Variants in KALRN observed in about 807,000 individuals in gnomAD.
KALRN encodes kalirin.
A neutral mutation model predicts 353.7 loss-of-function variants in KALRN; 70 were observed. The ratio of observed to expected loss-of-function variants is 0.20; its 90% CI spans 0.16 to 0.24. The LOEUF (loss-of-function observed/expected upper bound fraction) is 0.24. Among genes scored for constraint, KALRN ranks in the 10% least tolerant of loss-of-function variants. The pLI is 1.00. For missense variants in KALRN, 2,791 were observed against 3,756.7 expected, an observed-to-expected ratio of 0.74 and a Z score of 6.72; for synonymous variants, 1,391 against 1,434.8, an observed-to-expected ratio of 0.97 and a Z score of 0.69.
chr3:124,036,466 T>C (rs1395885555), intron 1 of KALRN, among the ~76,000 whole-genome samples: 2 of 151,882 alleles, frequency 1.3e-5, no homozygotes, highest in African/African-American at 2.4e-5. Flanking sequence ...TAGTCTGCCA[T>C]TGATGGGCAT....
chr3:124,688,748 T>C (rs886185119), intron 51 of KALRN, among the ~76,000 whole-genome samples: 1 of 150,760 alleles, frequency 6.6e-6, no homozygotes, highest in Non-Finnish European at 1.5e-5. Context: ...CAACTCATTT[T>C]CTAGACAGAA....
At chr3:124,054,262 C>T (rs2041312845) in intron 1 of KALRN, among the ~76,000 whole-genome samples, 1 of 151,868 alleles carries the variant, frequency 6.6e-6, no homozygotes, top group South Asian at 2.1e-4. Flanking sequence ...GTGGCTTCCA[C>T]CTATAATCCC....
intron 1 of KALRN, among the ~76,000 whole-genome samples, chr3:124,119,826 C>T (rs897746944): frequency 6.6e-6 from 1 of 152,214 alleles, no homozygotes; most frequent in Admixed American, 6.5e-5. Context: ...CCTGAGACAG[C>T]TTTCAAGTGT....
intron 1 of KALRN, among the ~76,000 whole-genome samples, chr3:124,194,438 T>TC (rs2075238106): frequency 6.6e-6 from 1 of 151,982 alleles, no homozygotes; most frequent in Non-Finnish European, 1.5e-5. Context: ...GTTACGAGCC[T>TC]CCCGAGGCTT....
At chr3:124,140,404 C>CTG (rs2066474583) in intron 1 of KALRN, among the ~76,000 whole-genome samples, 5 of 152,214 alleles carry the variant, frequency 3.3e-5, no homozygotes, top group Admixed American at 6.5e-5. Flanking sequence ...ATTTTAGGGG[C>CTG]CATGAGCTGC....
intron 1 of KALRN, among the ~76,000 whole-genome samples, chr3:124,096,405 C>T (rs2061452470): frequency 6.6e-6 from 1 of 152,146 alleles, no homozygotes; most frequent in Admixed American, 6.5e-5. Context: ...CTGGGAAAGA[C>T]AGGAACAGGT....
chr3:124,615,718 G>A (rs141931646), intron 34 of KALRN, among the ~76,000 whole-genome samples: 1,850 of 152,270 alleles, frequency 0.012, 36 homozygotes, highest in Non-Finnish European at 0.014. Flanking sequence ...GGTGGGCCAG[G>A]CAGTTCATTT....
intron 34 of KALRN, among the ~76,000 whole-genome samples, chr3:124,619,948 A>G (rs1012017690): frequency 6.6e-6 from 1 of 151,608 alleles, no homozygotes; most frequent in African/African-American, 2.4e-5. Flanking sequence ...TCTAACAGGT[A>G]TGAGATGATA....
intron 34 of KALRN, among the ~76,000 whole-genome samples, chr3:124,621,409 A>G (rs1157595115): frequency 6.6e-6 from 1 of 152,232 alleles, no homozygotes; most frequent in East Asian, 1.9e-4. Flanking sequence ...TAAAGGATGC[A>G]TTGGAAAAGA....
intron 9 of KALRN, among the ~76,000 whole-genome samples, chr3:124,343,174 T>C (rs180671904): frequency 6.6e-6 from 1 of 152,300 alleles, no homozygotes; most frequent in African/African-American, 2.4e-5. Context: ...TATATACACA[T>C]ATATTTGAGA....
intron 27 of KALRN, among the ~76,000 whole-genome samples, chr3:124,478,761 A>G (rs368395454): frequency 6.6e-6 from 1 of 152,146 alleles, no homozygotes; most frequent in East Asian, 1.9e-4. Context: ...TGAAGTTTTA[A>G]ATGCATTGTG....
intron 1 of KALRN, among the ~76,000 whole-genome samples, chr3:124,049,582 G>T (rs2040838459): frequency 6.6e-6 from 1 of 152,164 alleles, no homozygotes; most frequent in South Asian, 2.1e-4. Flanking sequence ...GTGGTTGAAA[G>T]CTGAGCTGGG....
intron 13 of KALRN, among the ~76,000 whole-genome samples, 184 bp downstream of exon 13, chr3:124,399,055 G>A (rs774503222): frequency 7.9e-5 from 12 of 152,116 alleles, no homozygotes; most frequent in Non-Finnish European, 1.3e-4. Context: ...CCCTACTGCC[G>A]AGCAGAGCCC....
intron 55 of KALRN, among the ~76,000 whole-genome samples, chr3:124,698,218 C>T (rs985265305): frequency 2.6e-5 from 4 of 152,226 alleles, no homozygotes; most frequent in African/African-American, 9.6e-5. Context: ...GCAAACAGTC[C>T]ACTTGCCTCA....
intron 1 of KALRN, among the ~76,000 whole-genome samples, chr3:124,136,901 A>G (rs2065984150): frequency 6.6e-6 from 1 of 152,182 alleles, no homozygotes; most frequent in South Asian, 2.1e-4. Context: ...TGGAGGCACT[A>G]GTGATGGAAA....
At chr3:124,299,475 G>A (rs1410294405) in intron 6 of KALRN, among the ~76,000 whole-genome samples, 1 of 152,148 alleles carries the variant, frequency 6.6e-6, no homozygotes, top group African/African-American at 2.4e-5. Context: ...ATGTGGCTTG[G>A]AGCAGGAGGT....
intron 48 of KALRN, among the ~76,000 whole-genome samples, chr3:124,673,665 T>C (rs1322480664): frequency 6.6e-6 from 1 of 151,994 alleles, no homozygotes; most frequent in East Asian, 1.9e-4. Context: ...TTCTGGCTCT[T>C]ACCATGCTCT....
intron 33 of KALRN, among the ~76,000 whole-genome samples, chr3:124,501,284 C>G (rs1233891653): frequency 6.6e-6 from 1 of 152,168 alleles, no homozygotes; most frequent in South Asian, 2.1e-4. Flanking sequence ...TGAAGAGGAA[C>G]TTCAGTAACA....
chr3:124,575,596 C>T (rs767031154), intron 34 of KALRN, among the ~76,000 whole-genome samples: 12 of 152,142 alleles, frequency 7.9e-5, no homozygotes, highest in Non-Finnish European at 1.2e-4. Context: ...ACATGAGTCC[C>T]CATGGGCTAA....
Sources: gnomAD v4.1 joint callset for allele counts (sites outside exome capture counted in the v4.1 genomes callset) on GRCh38, gnomAD v4.1.1 for gene constraint, MANE v1.5 for transcripts, NCBI Gene and HGNC (gene_info 2026-07-23, HGNC 2026-07-21) for gene names.